PARD3B: variants seen among roughly 807,000 people sequenced by gnomAD.
PARD3B encodes the protein partitioning defective 3 homolog B.
Under a neutral mutation model 130.2 loss-of-function variants are expected in PARD3B, and 103 were observed. The observed-to-expected ratio is 0.79, with a 90% CI of 0.67 to 0.93. The LOEUF (loss-of-function observed/expected upper bound fraction) is 0.93, where lower values mean the gene tolerates loss of function less well. Among genes scored for constraint, PARD3B ranks in the 40% least tolerant of loss-of-function variants. The probability of loss-of-function intolerance (pLI) is 0.00; values close to 1 mark genes in which losing one functional copy is unlikely to be tolerated. For missense variants in PARD3B, 1,609 were observed against 1,499.2 expected (o/e 1.07, Z -1.21); for synonymous variants, 583 against 553.2 (o/e 1.05, Z -0.76).
At chr2:204,696,956 C>T (rs1249288399) in intron 2 of PARD3B, among the ~76,000 whole-genome samples, 1 of 151,984 alleles carries the variant, frequency 6.6e-6, no homozygotes, top group Non-Finnish European at 1.5e-5. Flanking sequence ...TTAATCTCAA[C>T]CAAAACCATG....
intron 2 of PARD3B, among the ~76,000 whole-genome samples, chr2:204,911,905 G>GA (rs1334996322): frequency 5.9e-5 from 9 of 151,670 alleles, no homozygotes; most frequent in Admixed American, 2.0e-4. Flanking sequence ...CATAAAGCTG[G>GA]AAAAAATGAA....
At chr2:205,478,368 G>A (rs60323754) in intron 20 of PARD3B, among the ~76,000 whole-genome samples, 1 of 152,134 alleles carries the variant, frequency 6.6e-6, no homozygotes, top group African/African-American at 2.4e-5. Context: ...ACTTCAAAAT[G>A]TAGGTTGTTG....
At chr2:204,734,341 C>G (rs2039651294) in intron 2 of PARD3B, among the ~76,000 whole-genome samples, 1 of 152,168 alleles carries the variant, frequency 6.6e-6, no homozygotes, top group Non-Finnish European at 1.5e-5. Context: ...ATAGTCTAAT[C>G]ATTTTGAAAA....
chr2:204,779,777 A>G (rs2041774276), intron 2 of PARD3B, among the ~76,000 whole-genome samples: 1 of 152,204 alleles, frequency 6.6e-6, no homozygotes, highest in South Asian at 2.1e-4. Flanking sequence ...GGGCTCAGAC[A>G]CTTGCCTATT....
At chr2:205,137,106 GAA>G (rs1376619575) in intron 10 of PARD3B, among the ~76,000 whole-genome samples, 1 of 151,982 alleles carries the variant, frequency 6.6e-6, no homozygotes, top group African/African-American at 2.4e-5. Flanking sequence ...GCTAATGAAA[GAA>G]AAATAGTTGC....
At chr2:204,895,324 A>G (rs2046601942) in intron 2 of PARD3B, among the ~76,000 whole-genome samples, 1 of 152,122 alleles carries the variant, frequency 6.6e-6, no homozygotes, top group South Asian at 2.1e-4. Flanking sequence ...CAACTTTAAG[A>G]AAAGGATACT....
In PARD3B at chr2:205,118,975, G is replaced by A. The variant is rs1235516290; in HGVS notation, c.735G>A (p.Glu245=). 2 of 1,612,414 alleles carry A rather than the reference G, an allele frequency of 1.2e-6. No individual in the cohort carries two copies. Among genetic ancestry groups the A allele is most frequent in the Non-Finnish European group, 1.7e-6 (2 of 1,179,318 alleles). The change falls in exon 7 of 23, where the codon GAG becomes GAA. Residue 245 remains glutamate, a synonymous_variant. Coordinates refer to ENST00000406610, the MANE Select transcript of PARD3B (RefSeq NM_001302769.2). ...AAGACAACAGCAGGTCCAAGCGGGA[G>A]GGACTATTTCACGAAAATGAATGTA... ...GIEDNSRSKR[E]GLFHENECIV... is the part of the protein sequence containing the mutation.
chr2:205,507,733 T>A (rs2050429149), intron 21 of PARD3B, among the ~76,000 whole-genome samples: 1 of 152,230 alleles, frequency 6.6e-6, no homozygotes, highest in Admixed American at 6.5e-5. Context: ...ACTTTCTTCA[T>A]CTTCTTAGAT....
chr2:204,862,745 C>G (rs2045261435), intron 2 of PARD3B, among the ~76,000 whole-genome samples: 1 of 152,162 alleles, frequency 6.6e-6, no homozygotes, highest in South Asian at 2.1e-4. Flanking sequence ...GCAGAACTTT[C>G]CCCTCAGTTT....
chr2:205,493,751 T>G (rs186271494), intron 20 of PARD3B, among the ~76,000 whole-genome samples: 247 of 141,876 alleles, frequency 1.7e-3, no homozygotes, highest in Middle Eastern at 3.7e-3. Flanking sequence ...TATTTATTTA[T>G]TTATTTATTT....
intron 20 of PARD3B, among the ~76,000 whole-genome samples, chr2:205,477,287 A>G (rs1198137679): frequency 6.6e-6 from 1 of 152,170 alleles, no homozygotes; most frequent in Non-Finnish European, 1.5e-5. Flanking sequence ...TTTTACAGCA[A>G]CTCTGTGAAT....
At chr2:204,961,170 T>C (rs1470915394) in intron 2 of PARD3B, among the ~76,000 whole-genome samples, 3 of 151,840 alleles carry the variant, frequency 2.0e-5, no homozygotes, top group Non-Finnish European at 4.4e-5. Context: ...ATTAAAGGAG[T>C]CTCATCAGAG....
intron 21 of PARD3B, among the ~76,000 whole-genome samples, 189 bp from the exon 22 acceptor site, chr2:205,553,135 G>A (rs2052723984): frequency 6.6e-6 from 1 of 152,248 alleles, no homozygotes; most frequent in African/African-American, 2.4e-5. Context: ...AAGTGACTTT[G>A]TTGTTAAATG....
rs2041465768 is a variant in PARD3B at position 205,288,149 on chromosome 2, T to C, written c.2186-12381T>C. On this transcript the variant is annotated intron_variant, in intron 16 of 22. Transcript: ENST00000406610. This position sits in a 1 kb window ranked among gnomAD's most constrained non-coding sequence, Gnocchi z 4.0. Reference sequence around the variant, plus strand: ...AAGGGTCCGGCCATGACAGTCACAATGAAGCCATGCCAGGAGGAAGCCTAG... The same window carrying C: ...AAGGGTCCGGCCATGACAGTCACAACGAAGCCATGCCAGGAGGAAGCCTAG... 6.6e-6 allele frequency among the ~76,000 whole-genome samples: 1 copy of C among 152,136 alleles called. No homozygotes were observed. Among genetic ancestry groups the C allele is most frequent in the South Asian group, 2.1e-4 (1 of 4,830 alleles).
intron 4 of PARD3B, among the ~76,000 whole-genome samples, chr2:205,093,884 T>C (rs1394796078): frequency 6.6e-6 from 1 of 152,218 alleles, no homozygotes; most frequent in African/African-American, 2.4e-5. Context: ...CTCTTTGTTG[T>C]GTTTCTACCC....
intron 15 of PARD3B, among the ~76,000 whole-genome samples, chr2:205,205,093 T>C (rs1384767458): frequency 1.3e-5 from 2 of 152,128 alleles, no homozygotes; most frequent in Admixed American, 1.3e-4. Flanking sequence ...ATGGAATGTT[T>C]TTCCATTTGT....
intron 19 of PARD3B, among the ~76,000 whole-genome samples, chr2:205,438,864 G>C (rs1051326418): frequency 2.6e-5 from 4 of 152,102 alleles, no homozygotes; most frequent in Admixed American, 2.6e-4. Flanking sequence ...AATATATCCT[G>C]GCATTTGTTT....
chr2:204,891,186 CTTT>C (rs57462873), intron 2 of PARD3B, among the ~76,000 whole-genome samples: 11 of 138,434 alleles, frequency 7.9e-5, no homozygotes, highest in African/African-American at 7.9e-5. Context: ...AAGTCCTTTT[CTTT>C]TTTTTTTTTT....
At chr2:205,520,191 G>A (rs2050977076) in intron 21 of PARD3B, among the ~76,000 whole-genome samples, 1 of 152,210 alleles carries the variant, frequency 6.6e-6, no homozygotes, top group African/African-American at 2.4e-5. Context: ...GCTCCAGAGA[G>A]ATGCAGGTCA....
Sources: gnomAD v4.1 joint callset for allele counts (sites outside exome capture counted in the v4.1 genomes callset) on GRCh38, gnomAD v4.1.1 for gene constraint, Gnocchi (gnomAD v3.1) non-coding constraint, MANE v1.5 for transcripts, NCBI Gene and HGNC (gene_info 2026-07-23, HGNC 2026-07-21) for gene names.